Variants in KIAA2012 observed in about 807,000 individuals in gnomAD.
KIAA2012 encodes uncharacterized protein KIAA2012.
A neutral mutation model predicts 150.6 loss-of-function variants in KIAA2012; 125 were observed. That is an observed-to-expected ratio of 0.83 (90% CI 0.72 to 0.96). KIAA2012 has a LOEUF of 0.96. KIAA2012 is among the 40% of genes least tolerant of loss of function. KIAA2012 has a pLI of 0.00. For synonymous variants in KIAA2012, 462 were observed against 504.7 expected, an observed-to-expected ratio of 0.92 and a Z score of 1.13; for missense variants, 1,219 against 1,354.9, an observed-to-expected ratio of 0.90 and a Z score of 1.57.
chr2:202,162,279 C>T (rs1691672024), intron 14 of KIAA2012, among the ~76,000 whole-genome samples: 1 of 151,688 alleles, frequency 6.6e-6, no homozygotes, highest in South Asian at 2.1e-4. Flanking sequence ...TGTTTGTTTG[C>T]TTGTTTGTTT....
intron 11 of KIAA2012, among the ~76,000 whole-genome samples, chr2:202,122,317 G>A (rs765877055): frequency 6.6e-6 from 1 of 152,302 alleles, no homozygotes; most frequent in African/African-American, 2.4e-5. Flanking sequence ...ACTGGGTGAG[G>A]GCCCTGGTGC....
intron 11 of KIAA2012, among the ~76,000 whole-genome samples, chr2:202,121,568 T>C (rs746626625): frequency 6.6e-6 from 1 of 152,200 alleles, no homozygotes; most frequent in Non-Finnish European, 1.5e-5. Flanking sequence ...GGCACCTTGC[T>C]ATGCATGTCA....
chr2:202,182,625 A>G (rs1692144128), intron 15 of KIAA2012, among the ~76,000 whole-genome samples: 2 of 152,232 alleles, frequency 1.3e-5, no homozygotes, highest in Admixed American at 1.3e-4. Flanking sequence ...ACATCTGTGT[A>G]CAAGTCTTTG....
intron 2 of KIAA2012, among the ~76,000 whole-genome samples, chr2:202,077,391 T>C (rs1206505465): frequency 6.6e-6 from 1 of 152,154 alleles, no homozygotes; most frequent in Non-Finnish European, 1.5e-5. Context: ...ATCTTAATAG[T>C]TTATAAAGTA....
At chr2:202,154,211 T>A (rs554539751) in intron 13 of KIAA2012, among the ~76,000 whole-genome samples, 1 of 152,380 alleles carries the variant, frequency 6.6e-6, no homozygotes, top group South Asian at 2.1e-4. Flanking sequence ...TATAACCATA[T>A]TTGCTGCAAA....
rs138151145 is a variant in KIAA2012 at position 202,128,439 on chromosome 2, GTTTT to G, written c.1831+3166_1831+3169del. ...TGCCATCATGCCTGTCTTTTTGGGG[GTTTT>G]TTTTTTTTGGTAGAGATGGGGTTTC... On this transcript the variant is annotated intron_variant, in intron 12 of 23. Coordinates refer to ENST00000498697, the MANE Select transcript of KIAA2012 (RefSeq NM_001277372.4). 1.1e-3 allele frequency among the ~76,000 whole-genome samples: 161 copies of G among 145,960 alleles called. 1 individual carries two copies. The highest frequency in any genetic ancestry group is 3.9e-3 in the African/African-American group (155 of 40,154).
chr2:202,155,076 A>C (rs1324958446), intron 14 of KIAA2012, among the ~76,000 whole-genome samples: 3 of 152,194 alleles, frequency 2.0e-5, no homozygotes, highest in Admixed American at 1.3e-4. Context: ...AGTAACTTTA[A>C]ACCACCTCAT....
rs1391749769 is a variant in KIAA2012, at chr2:202,104,264, A to T, written c.1324+1150A>T. 6.6e-6 allele frequency among the ~76,000 whole-genome samples: 1 copy of T among 152,222 alleles called. No individual in the cohort carries two copies. Among genetic ancestry groups the T allele is most frequent in the Non-Finnish European group, 1.5e-5 (1 of 68,038 alleles). On this transcript the variant is annotated intron_variant, in intron 8 of 23. Transcript: ENST00000498697. This position sits in a 1 kb window ranked among gnomAD's most constrained non-coding sequence, Gnocchi z 4.3. ...TATGTAGATTTTACCTTGCCAAAAA[A>T]AATTACTCAGCTCCCTAAAAAAAAT...
intron 14 of KIAA2012, among the ~76,000 whole-genome samples, chr2:202,162,869 G>C (rs1691685147): frequency 6.9e-6 from 1 of 144,416 alleles, no homozygotes; most frequent in Non-Finnish European, 1.5e-5. Context: ...GGCGGAGGTT[G>C]CAGTGAGCTG....
Position 202,105,810 on chromosome 2 carries a change from T to TG in KIAA2012, c.1375dup (p.Val459GlyfsTer35). 1 of 1,550,604 alleles carries TG rather than the reference T, an allele frequency of 6.4e-7. No individual in the cohort carries two copies. The highest frequency in any genetic ancestry group is 8.7e-7 in the Non-Finnish European group (1 of 1,146,978). ...CAGAAAGCAGCGAAGAATCCACACC[T>TG]GTGTGGAGACCTCCCCTGAAGCATG... On this transcript the variant is annotated frameshift_variant, in exon 9 of 24. Coordinates refer to ENST00000498697, the MANE Select transcript of KIAA2012 (RefSeq NM_001277372.4). LOFTEE classifies it high-confidence loss of function.
At chr2:202,197,270 G>GA in intron 22 of KIAA2012, 1 of 567,060 alleles carries the variant, frequency 1.8e-6, no homozygotes, top group Non-Finnish European at 3.1e-6. Flanking sequence ...GTTTATAGAT[G>GA]AAAAAAGCAA....
chr2:202,198,704 C>T (rs1259584285), intron 22 of KIAA2012, among the ~76,000 whole-genome samples: 2 of 152,172 alleles, frequency 1.3e-5, no homozygotes, highest in African/African-American at 4.8e-5. Flanking sequence ...TCTTTAGAAC[C>T]ACCAAAGTTG....
chr2:202,154,888 CA>C, intron 14 of KIAA2012, 78 bp downstream of exon 14: 1 of 1,426,228 alleles, frequency 7.0e-7, no homozygotes, highest in Non-Finnish European at 9.2e-7. Flanking sequence ...CTGCATGGTA[CA>C]AAAACAGCTT....
At chr2:202,111,530 A>AC (rs1690355947) in intron 10 of KIAA2012, among the ~76,000 whole-genome samples, 1 of 150,092 alleles carries the variant, frequency 6.7e-6, no homozygotes. Context: ...AAAAAAAAAA[A>AC]AAAAAAGGAT....
intron 3 of KIAA2012, among the ~76,000 whole-genome samples, chr2:202,092,611 A>C (rs564944906): frequency 6.6e-6 from 1 of 152,210 alleles, no homozygotes; most frequent in Admixed American, 6.5e-5. Context: ...GGGTGGGCCC[A>C]TTGGGAAGTC....
In KIAA2012 at chr2:202,160,499, C is replaced by G. The variant is rs371731632; in HGVS notation, c.2047-4785C>G. Among the ~76,000 whole-genome samples, 162 of 152,016 alleles carry G rather than the reference C, an allele frequency of 1.1e-3. 1 individual carries two copies. Among genetic ancestry groups the G allele is most frequent in the East Asian group, 0.011 (54 of 5,138 alleles). ...CAGCTGATTTTTTATATTTTTAGTA[C>G]AGACGGGGTTTTACCATGTTAGCCA... On this transcript the variant is annotated intron_variant, in intron 14 of 23. Transcript: ENST00000498697.
At chr2:202,167,548 T>G (rs751280794) in intron 15 of KIAA2012, among the ~76,000 whole-genome samples, 2 of 152,228 alleles carry the variant, frequency 1.3e-5, no homozygotes, top group Non-Finnish European at 2.9e-5. Flanking sequence ...GAAGGAATAC[T>G]GGACACAGTC....
intron 11 of KIAA2012, among the ~76,000 whole-genome samples, chr2:202,122,422 A>C (rs1397641019): frequency 6.6e-6 from 1 of 152,068 alleles, no homozygotes; most frequent in Non-Finnish European, 1.5e-5. Flanking sequence ...TGGGTCGCCC[A>C]TGACAAGACT....
intron 19 of KIAA2012, among the ~76,000 whole-genome samples, chr2:202,191,642 C>T (rs1014872424): frequency 3.3e-5 from 5 of 152,060 alleles, no homozygotes; most frequent in Non-Finnish European, 5.9e-5. Flanking sequence ...TCAGTAAGAC[C>T]AAAACGGCCA....
Sources: gnomAD v4.1 joint callset for allele counts (sites outside exome capture counted in the v4.1 genomes callset) on GRCh38, gnomAD v4.1.1 for gene constraint, Gnocchi (gnomAD v3.1) non-coding constraint, MANE v1.5 for transcripts, NCBI Gene and HGNC (gene_info 2026-07-23, HGNC 2026-07-21) for gene names.